SUGCT: variants seen among roughly 807,000 people sequenced by gnomAD.
SUGCT encodes the protein succinyl-CoA:glutarate CoA-transferase.
Under a neutral mutation model 55.0 loss-of-function variants are expected in SUGCT, and 41 were observed. The observed-to-expected ratio is 0.74, with a 90% CI of 0.58 to 0.97. The LOEUF (loss-of-function observed/expected upper bound fraction) is 0.97, where lower values mean the gene tolerates loss of function less well. SUGCT is among the 50% of genes least tolerant of loss of function. The probability of loss-of-function intolerance (pLI) is 0.00; values close to 1 mark genes in which losing one functional copy is unlikely to be tolerated. For missense variants in SUGCT, 568 were observed against 547.8 expected (o/e 1.04, Z -0.37); for synonymous variants, 187 against 200.4 (o/e 0.93, Z 0.56).
the SUGCT span, among the ~76,000 whole-genome samples, chr7:40,871,377 A>G: frequency 6.6e-6 from 1 of 152,134 alleles, no homozygotes; most frequent in African/African-American, 2.4e-5. Flanking sequence ...GAGGGGGGCC[A>G]TTTGGAGGAG....
intron 13 of SUGCT, among the ~76,000 whole-genome samples, chr7:40,750,572 A>G (rs1787957837): frequency 6.6e-6 from 1 of 152,204 alleles, no homozygotes; most frequent in African/African-American, 2.4e-5. Context: ...TTTTATCCTA[A>G]ATAGAATCTA....
intron 7 of SUGCT, among the ~76,000 whole-genome samples, chr7:40,242,933 A>ATATATATATATATATAT (rs1270335224): frequency 1.2e-4 from 2 of 17,216 alleles, no homozygotes; most frequent in Non-Finnish European, 2.3e-4. Context: ...ATATATATAT[A>ATATATATATATATATAT]TTTTTTTTTT....
intron 7 of SUGCT, among the ~76,000 whole-genome samples, chr7:40,269,662 G>A (rs929850034): frequency 6.6e-6 from 1 of 152,002 alleles, no homozygotes; most frequent in African/African-American, 2.4e-5. Context: ...TCTTTTTATT[G>A]TTGAGTTGTA....
chr7:40,764,838 C>T (rs1235247330), intron 13 of SUGCT, among the ~76,000 whole-genome samples: 1 of 152,128 alleles, frequency 6.6e-6, no homozygotes, highest in Non-Finnish European at 1.5e-5. Context: ...GGAGTAAGAT[C>T]ACAGCTGGGA....
At chr7:40,747,887 C>T (rs1787811914) in intron 12 of SUGCT, among the ~76,000 whole-genome samples, 1 of 152,030 alleles carries the variant, frequency 6.6e-6, no homozygotes, top group Admixed American at 6.6e-5. Flanking sequence ...GGTTCCATGC[C>T]CTCAGCCCAT....
In SUGCT at chr7:40,724,336, C is replaced by T. The variant is rs536456110; in HGVS notation, c.1090-25098C>T. On this transcript the variant is annotated intron_variant, in intron 12 of 13. Coordinates refer to ENST00000335693, the MANE Select transcript of SUGCT (RefSeq NM_001193313.2). Reference sequence around the variant, plus strand: ...AGTCTGGGGCTTTGGGAGGCCAAGGCGGGCAGATGACAAGGTCAGGAGATT... The same window carrying T: ...AGTCTGGGGCTTTGGGAGGCCAAGGTGGGCAGATGACAAGGTCAGGAGATT... Among the ~76,000 whole-genome samples the T allele has an allele frequency of 2.0e-5, 3 of 152,206 alleles. No individual in the cohort carries two copies. In the East Asian group the frequency reaches 5.8e-4, roughly 29 times the overall value.
chr7:40,263,148 C>T (rs1791338028), intron 7 of SUGCT, among the ~76,000 whole-genome samples: 1 of 152,170 alleles, frequency 6.6e-6, no homozygotes. Flanking sequence ...TCTTGAACTC[C>T]TGACTTTAAG....
intron 13 of SUGCT, among the ~76,000 whole-genome samples, chr7:40,807,948 T>C (rs1791196624): frequency 6.6e-6 from 1 of 152,204 alleles, no homozygotes; most frequent in Non-Finnish European, 1.5e-5. Flanking sequence ...CCTGCTTTTA[T>C]TCTGGCCTCA....
chr7:40,746,407 G>A (rs542706537), intron 12 of SUGCT, among the ~76,000 whole-genome samples: 214 of 152,248 alleles, frequency 1.4e-3, no homozygotes, highest in African/African-American at 5.1e-3. Flanking sequence ...ATATGAAAAG[G>A]TTGGCGGCAA....
chr7:40,659,560 T>C (rs749091375), intron 12 of SUGCT, among the ~76,000 whole-genome samples: 2 of 152,232 alleles, frequency 1.3e-5, no homozygotes, highest in Admixed American at 6.5e-5. Flanking sequence ...AGTAGTCACA[T>C]AGAGTAGCCC....
the SUGCT span, among the ~76,000 whole-genome samples, chr7:40,944,374 G>C: frequency 6.6e-6 from 1 of 151,246 alleles, no homozygotes; most frequent in African/African-American, 2.4e-5. Flanking sequence ...GTCCTGAATG[G>C]TAATGCCTAG....
intron 9 of SUGCT, among the ~76,000 whole-genome samples, chr7:40,393,264 A>G (rs1365180600): frequency 2.0e-5 from 3 of 152,314 alleles, no homozygotes; most frequent in Non-Finnish European, 4.4e-5. Context: ...ATGAGAACCA[A>G]TGGTATGTGG....
chr7:40,596,189 A>G (rs1281814985), intron 12 of SUGCT, among the ~76,000 whole-genome samples: 1 of 152,176 alleles, frequency 6.6e-6, no homozygotes, highest in Non-Finnish European at 1.5e-5. Context: ...TTTAGAAACC[A>G]TTTCTTATCC....
intron 1 of SUGCT, among the ~76,000 whole-genome samples, chr7:40,141,194 T>G (rs906566534): frequency 6.6e-6 from 1 of 152,044 alleles, no homozygotes; most frequent in African/African-American, 2.4e-5. Context: ...CCTTTTTTTT[T>G]TTTGAGACAG....
intron 12 of SUGCT, among the ~76,000 whole-genome samples, chr7:40,721,408 T>A (rs1786330662): frequency 6.6e-6 from 1 of 152,234 alleles, no homozygotes; most frequent in African/African-American, 2.4e-5. Flanking sequence ...AATAGTTTGC[T>A]GTCTGCAACA....
In SUGCT at chr7:40,744,497, T is replaced by A. The variant is rs577977884; in HGVS notation, c.1090-4937T>A. Among the ~76,000 whole-genome samples the A allele has an allele frequency of 2.6e-5, 4 of 152,126 alleles. No individual in the cohort carries two copies. The South Asian group carries it at 8.3e-4, about 32-fold the overall frequency. ...ATCAGCTAGTTATTTTAATGGTAAA[T>A]CAAATAAAGCTTTTCCATTTTTTTT... On this transcript the variant is annotated intron_variant, in intron 12 of 13. Coordinates refer to ENST00000335693, the MANE Select transcript of SUGCT (RefSeq NM_001193313.2).
chr7:41,027,054 A>G, the SUGCT span, among the ~76,000 whole-genome samples: 2 of 152,202 alleles, frequency 1.3e-5, no homozygotes, highest in Non-Finnish European at 2.9e-5. Context: ...ATACTTAAAA[A>G]AAAAGTTTAC....
At chr7:40,740,142 C>A (rs541137753) in intron 12 of SUGCT, among the ~76,000 whole-genome samples, 1 of 152,006 alleles carries the variant, frequency 6.6e-6, no homozygotes, top group East Asian at 1.9e-4. Flanking sequence ...TTGTTTATAT[C>A]TAAGTATTTC....
chr7:40,704,811 T>C (rs975145750), intron 12 of SUGCT, among the ~76,000 whole-genome samples: 6 of 152,192 alleles, frequency 3.9e-5, no homozygotes, highest in Non-Finnish European at 2.9e-5. Context: ...GAACAATTCA[T>C]TGAAGAAGGT....
Sources: allele counts gnomAD v4.1 joint callset (sites outside exome capture counted in the v4.1 genomes callset), GRCh38; gene constraint gnomAD v4.1.1; transcripts MANE v1.5; gene names NCBI Gene and HGNC (gene_info 2026-07-23, HGNC 2026-07-21).